The following MAF variants were observed in gnomAD, a reference collection of about 807,000 sequenced individuals.
MAF encodes the protein transcription factor Maf.
A neutral mutation model predicts 22.0 loss-of-function variants in MAF; 10 were observed. The observed-to-expected ratio is 0.45, with a 90% CI of 0.28 to 0.77. The LOEUF is 0.77. Ranked by LOEUF, MAF falls within the 30% of genes least tolerant of loss-of-function variation. MAF has a pLI of 0.12. For synonymous variants in MAF, 337 were observed against 255.8 expected (o/e 1.32, Z -3.03); for missense variants, 544 against 548.4 (o/e 0.99, Z 0.08).
chr16:79,232,788 G>C, the MAF span, among the ~76,000 whole-genome samples: 2,158 of 151,422 alleles, frequency 0.014, 49 homozygotes, highest in Non-Finnish European at 0.024. Flanking sequence ...TGAAATAATG[G>C]CCCAGTTTAA....
chr16:79,507,529 A>G, the MAF span, among the ~76,000 whole-genome samples: 2 of 151,168 alleles, frequency 1.3e-5, no homozygotes, highest in South Asian at 4.2e-4. Context: ...GGTTCATGCC[A>G]TTCTCCTGCC....
At chr16:79,570,945 C>T in the MAF span, among the ~76,000 whole-genome samples, 39 of 152,100 alleles carry the variant, frequency 2.6e-4, no homozygotes, top group African/African-American at 8.5e-4. Flanking sequence ...TTCATTTAAC[C>T]TGTATAAGAA....
the MAF span, among the ~76,000 whole-genome samples, chr16:79,562,274 T>C: frequency 2.6e-4 from 40 of 152,210 alleles, no homozygotes; most frequent in Admixed American, 1.8e-3. Context: ...CACCAACGAA[T>C]TGTGAAGCAG....
At chr16:79,228,394 C>T in the MAF span, among the ~76,000 whole-genome samples, 1 of 152,004 alleles carries the variant, frequency 6.6e-6, no homozygotes. Context: ...ACATGTGCTT[C>T]ATTCATAAAA....
the MAF span, among the ~76,000 whole-genome samples, chr16:79,445,334 C>CAA: frequency 6.6e-6 from 1 of 152,176 alleles, no homozygotes. Context: ...TGAGCCACTG[C>CAA]GCCCGGCCAA....
the MAF span, among the ~76,000 whole-genome samples, chr16:79,265,117 C>A: frequency 7.9e-5 from 12 of 152,150 alleles, no homozygotes; most frequent in East Asian, 2.1e-3. Context: ...TTCAAAGCAC[C>A]TAGGCACACA....
downstream of MAF, among the ~76,000 whole-genome samples, chr16:79,584,856 A>C (rs1177294776): frequency 1.3e-5 from 2 of 152,240 alleles, no homozygotes; most frequent in African/African-American, 4.8e-5. Flanking sequence ...TCATGGTAGC[A>C]CCGTGTAGAA....
At chr16:79,392,507 G>A in the MAF span, among the ~76,000 whole-genome samples, 3 of 151,840 alleles carry the variant, frequency 2.0e-5, no homozygotes, top group Non-Finnish European at 4.4e-5. Context: ...GAGAGAGAGA[G>A]AGAGAGAGAG....
At chr16:79,360,408 C>T in the MAF span, among the ~76,000 whole-genome samples, 1 of 152,126 alleles carries the variant, frequency 6.6e-6, no homozygotes, top group Non-Finnish European at 1.5e-5. Context: ...GCAAGACAGA[C>T]CTGAGATTAA....
At chr16:79,261,108 C>A in the MAF span, among the ~76,000 whole-genome samples, 1 of 152,040 alleles carries the variant, frequency 6.6e-6, no homozygotes, top group Non-Finnish European at 1.5e-5. Context: ...GGTGAGGAAG[C>A]TGGCAGGATG....
the MAF span, among the ~76,000 whole-genome samples, chr16:79,242,248 T>C: frequency 8.6e-5 from 13 of 151,094 alleles, no homozygotes; most frequent in Non-Finnish European, 1.6e-4. Context: ...GGCTGGCAAA[T>C]TGGATAAAGA....
chr16:79,557,083 G>A, the MAF span, among the ~76,000 whole-genome samples: 1 of 151,410 alleles, frequency 6.6e-6, no homozygotes, highest in Non-Finnish European at 1.5e-5. Flanking sequence ...GCAACTACAG[G>A]CTCGCACCAC....
At chr16:79,406,581 T>A in the MAF span, among the ~76,000 whole-genome samples, 1 of 152,114 alleles carries the variant, frequency 6.6e-6, no homozygotes, top group Non-Finnish European at 1.5e-5. Flanking sequence ...ACATGAAAGT[T>A]CCACCCTCAT....
the MAF span, among the ~76,000 whole-genome samples, chr16:79,280,595 G>A: frequency 2.0e-5 from 3 of 152,170 alleles, no homozygotes; most frequent in South Asian, 6.2e-4. Context: ...TTGAAGCAAG[G>A]ACCAAGAACT....
chr16:79,207,425 C>G, the MAF span, among the ~76,000 whole-genome samples: 12 of 152,352 alleles, frequency 7.9e-5, no homozygotes, highest in South Asian at 2.1e-4. Context: ...AAGGGCTGTT[C>G]TCCTTCCCTG....
At chr16:79,219,265 C>T in the MAF span, among the ~76,000 whole-genome samples, 1 of 152,150 alleles carries the variant, frequency 6.6e-6, no homozygotes. Flanking sequence ...GGAATTGTGA[C>T]AATGTCTCAT....
the MAF span, among the ~76,000 whole-genome samples, chr16:79,430,195 G>T: frequency 6.6e-6 from 1 of 152,168 alleles, no homozygotes; most frequent in Non-Finnish European, 1.5e-5. Context: ...GGAAAGAAAG[G>T]TAGCGCTTTG....
the MAF span, among the ~76,000 whole-genome samples, chr16:79,240,366 C>G: frequency 6.6e-6 from 1 of 151,056 alleles, no homozygotes; most frequent in Admixed American, 6.6e-5. Context: ...CTCCTCATCC[C>G]ACTCCCAAGC....
the MAF span, among the ~76,000 whole-genome samples, chr16:79,548,802 G>C: frequency 1.3e-5 from 2 of 152,144 alleles, no homozygotes; most frequent in African/African-American, 4.8e-5. Flanking sequence ...CTGAGTCCCA[G>C]AGAGAGTGGC....
Sources: allele counts gnomAD v4.1 joint callset (sites outside exome capture counted in the v4.1 genomes callset), GRCh38; gene constraint gnomAD v4.1.1; transcripts MANE v1.5; gene names NCBI Gene and HGNC (gene_info 2026-07-23, HGNC 2026-07-21).